Variants in PTPRK observed in about 807,000 individuals in gnomAD.
PTPRK encodes receptor-type tyrosine-protein phosphatase kappa.
In PTPRK, 75 loss-of-function variants were observed where a neutral mutation model predicts 178.0. The observed-to-expected ratio is 0.42, with a 90% CI of 0.35 to 0.51. The LOEUF is 0.51. Ranked by LOEUF, PTPRK falls within the 20% of genes least tolerant of loss-of-function variation. The pLI is 0.02. For missense variants in PTPRK, 1,441 were observed against 1,797.8 expected (o/e 0.80, Z 3.59); for synonymous variants, 637 against 620.6 (o/e 1.03, Z -0.39).
intron 3 of PTPRK, among the ~76,000 whole-genome samples, chr6:128,320,696 T>C (rs978890450): frequency 1.3e-5 from 2 of 152,120 alleles, no homozygotes; most frequent in African/African-American, 4.8e-5. Context: ...GATAATGCAT[T>C]GTGAGAGTGA....
chr6:128,001,332 C>T (rs1247520037), intron 15 of PTPRK: 2 of 576,640 alleles, frequency 3.5e-6, no homozygotes, highest in Admixed American at 6.7e-5. Context: ...TCAGAAACTG[C>T]ATTATAAATA....
At chr6:128,421,060 C>G (rs1843419563) in intron 1 of PTPRK, among the ~76,000 whole-genome samples, 1 of 150,516 alleles carries the variant, frequency 6.6e-6, no homozygotes, top group South Asian at 2.1e-4. Context: ...ATAAAAAACA[C>G]AATCATTCTT....
At chr6:128,085,450 A>C (rs143596052) in intron 8 of PTPRK, among the ~76,000 whole-genome samples, 26 of 152,344 alleles carry the variant, frequency 1.7e-4, no homozygotes, top group African/African-American at 6.0e-4. Context: ...ATCCTTACGT[A>C]TCTCTCATAG....
At position 128,484,862 on chromosome 6, in the gene PTPRK, G is replaced by C. The variant is rs76617588; in HGVS notation, c.100+35397C>G. Among the ~76,000 whole-genome samples the C allele has an allele frequency of 4.9e-3, 752 of 152,108 alleles. 10 individuals are homozygous for C. The highest frequency in any genetic ancestry group is 0.017 in the African/African-American group (714 of 41,496). ...AACTCAATAGTTTCCTTTCCTTTCAGAAAATGCAAATCAAATCCACAACTC... is the reference window on the plus strand; with the variant it reads ...AACTCAATAGTTTCCTTTCCTTTCACAAAATGCAAATCAAATCCACAACTC... On this transcript the variant is annotated intron_variant, in intron 1 of 29. Coordinates refer to ENST00000368226, the MANE Select transcript of PTPRK (RefSeq NM_002844.4).
chr6:128,184,721 C>T lies in PTPRK; in HGVS notation c.873G>A (p.Pro291=), dbSNP rs760175127. ...SNFAQLIVRE[P]PRPIAPPQLL... ...GCTGAGGAGGAGCAATGGGTCTTGG[C>T]GGTTCTAGGAGAGATGAGTGTGCAC... The change falls in exon 7 of 30, where the codon CCG becomes CCA. Residue 291 remains proline (P), a synonymous_variant. Coordinates refer to ENST00000368226, the MANE Select transcript of PTPRK (RefSeq NM_002844.4). 24 of 1,612,914 alleles carry T rather than the reference C, an allele frequency of 1.5e-5. No homozygotes were observed. Among genetic ancestry groups the T allele is most frequent in the Middle Eastern group, 1.6e-4 (1 of 6,078 alleles).
intron 1 of PTPRK, chr6:128,472,553 A>G (rs1157457200): frequency 6.3e-6 from 1 of 158,080 alleles, no homozygotes. Flanking sequence ...CAAGTTCACC[A>G]ATTTTCAACA....
chr6:128,107,686 T>C (rs1485044187), intron 7 of PTPRK, among the ~76,000 whole-genome samples: 1 of 152,208 alleles, frequency 6.6e-6, no homozygotes, highest in East Asian at 1.9e-4. Context: ...ATCAAACTTC[T>C]TTTAAAAATG....
At chr6:128,284,444 T>G (rs1193226392) in intron 3 of PTPRK, among the ~76,000 whole-genome samples, 4 of 152,212 alleles carry the variant, frequency 2.6e-5, no homozygotes, top group African/African-American at 9.6e-5. Flanking sequence ...GACCCATGTG[T>G]GTTTGTTCTG....
chr6:128,407,154 A>G (rs1045672059), intron 1 of PTPRK, among the ~76,000 whole-genome samples: 1 of 152,188 alleles, frequency 6.6e-6, no homozygotes, highest in African/African-American at 2.4e-5. Flanking sequence ...CATTTAAGTC[A>G]TCATTAGTTA....
At chr6:128,245,474 G>A (rs1389985995) in intron 3 of PTPRK, among the ~76,000 whole-genome samples, 1 of 152,126 alleles carries the variant, frequency 6.6e-6, no homozygotes, top group Admixed American at 6.6e-5. Flanking sequence ...CAATAACAAT[G>A]AGATAAGGTA....
intron 18 of PTPRK, chr6:127,995,109 C>G (rs189331046): frequency 2.5e-6 from 2 of 795,284 alleles, no homozygotes; most frequent in African/African-American, 3.5e-5. Context: ...TACAAAAAAA[C>G]GAACAGAGAT....
chr6:128,497,776 G>A (rs939525619), intron 1 of PTPRK, among the ~76,000 whole-genome samples: 1 of 140,496 alleles, frequency 7.1e-6, no homozygotes, highest in African/African-American at 2.7e-5. Context: ...TATCAAAAAG[G>A]TTGTTTTTTT....
rs140099069 is a variant in PTPRK, at chr6:128,266,303, G to A, written c.496-23701C>T. On this transcript the variant is annotated intron_variant, in intron 3 of 29. Transcript: ENST00000368226. ...TGAACTTTTGACAATATCACTAAAC[G>A]CTGCACAGTGGCACATAGCAAATGT... is the stretch of plus-strand genomic sequence containing the variant. Among the ~76,000 whole-genome samples, 344 of 152,182 alleles carry A rather than the reference G, an allele frequency of 2.3e-3. 1 individual carries two copies. The highest frequency in any genetic ancestry group is 8.0e-3 in the African/African-American group (331 of 41,546).
chr6:128,035,068 G>A (rs182729745), intron 13 of PTPRK, among the ~76,000 whole-genome samples: 1 of 152,108 alleles, frequency 6.6e-6, no homozygotes, highest in Non-Finnish European at 1.5e-5. Flanking sequence ...AAAAGATGAT[G>A]CAGATTAAAA....
intron 13 of PTPRK, 135 bp from the exon 14 acceptor site, chr6:128,009,403 C>A: frequency 1.3e-6 from 1 of 757,234 alleles, no homozygotes; most frequent in Admixed American, 3.0e-5. Context: ...AATGTAAATA[C>A]AGAAGCATGC....
At chr6:128,141,781 C>T (rs1263081344) in intron 7 of PTPRK, among the ~76,000 whole-genome samples, 1 of 151,788 alleles carries the variant, frequency 6.6e-6, no homozygotes, top group East Asian at 1.9e-4. Flanking sequence ...GCTTGGGTTT[C>T]TCAAACTGCC....
At chr6:128,369,572 C>A (rs987305889) in intron 2 of PTPRK, among the ~76,000 whole-genome samples, 2 of 151,944 alleles carry the variant, frequency 1.3e-5, no homozygotes, top group African/African-American at 2.4e-5. Context: ...ATTCCATGTT[C>A]AAAGAATTAT....
chr6:128,383,348 G>T (rs780854940), intron 2 of PTPRK, among the ~76,000 whole-genome samples: 13 of 152,024 alleles, frequency 8.6e-5, no homozygotes, highest in Admixed American at 1.3e-4. Context: ...ACCATCAGTA[G>T]AATATTATTA....
At chr6:128,492,175 G>A (rs141001408) in intron 1 of PTPRK, among the ~76,000 whole-genome samples, 8 of 152,066 alleles carry the variant, frequency 5.3e-5, no homozygotes, top group African/African-American at 1.7e-4. Flanking sequence ...TCCTAGTACC[G>A]TACTTCTGGG....
Sources: allele counts gnomAD v4.1 joint callset (sites outside exome capture counted in the v4.1 genomes callset), GRCh38; gene constraint gnomAD v4.1.1; transcripts MANE v1.5; gene names NCBI Gene and HGNC (gene_info 2026-07-23, HGNC 2026-07-21).